Variants in NT5C2 observed in about 807,000 individuals in gnomAD.
NT5C2 encodes 5'-nucleotidase, cytosolic II.
In NT5C2, 58 loss-of-function variants were observed where a neutral mutation model predicts 76.1. That is an observed-to-expected ratio of 0.76 (90% CI 0.62 to 0.95). NT5C2 has a LOEUF of 0.95. NT5C2 is among the 40% of genes least tolerant of loss of function. NT5C2 has a pLI of 0.00. For missense variants in NT5C2, 478 were observed against 690.3 expected, an observed-to-expected ratio of 0.69 and a Z score of 3.45; for synonymous variants, 229 against 237.4, an observed-to-expected ratio of 0.96 and a Z score of 0.32.
At chr10:103,160,170 T>G (rs2084473676) in intron 3 of NT5C2, among the ~76,000 whole-genome samples, 1 of 152,180 alleles carries the variant, frequency 6.6e-6, no homozygotes. Flanking sequence ...AAAATGGTGC[T>G]AGGACAACTG....
intron 3 of NT5C2, among the ~76,000 whole-genome samples, chr10:103,151,406 G>C (rs559678249): frequency 2.3e-4 from 35 of 151,478 alleles, no homozygotes; most frequent in Middle Eastern, 6.8e-3. Context: ...GGAGGTTGCG[G>C]TGAGCCAAGA....
intron 4 of NT5C2, among the ~76,000 whole-genome samples, chr10:103,136,758 G>A (rs921143889): frequency 6.6e-6 from 1 of 151,748 alleles, no homozygotes; most frequent in Non-Finnish European, 1.5e-5. Context: ...CTGACCAGCT[G>A]AGACTACAGG....
chr10:103,146,144 T>A, intron 3 of NT5C2: 1 of 985,410 alleles, frequency 1.0e-6, no homozygotes, highest in Non-Finnish European at 1.2e-6. Flanking sequence ...TTTTGTGACT[T>A]AACTTCAAGA....
chr10:103,129,347 T>G (rs1178882458), intron 4 of NT5C2, among the ~76,000 whole-genome samples: 5 of 68,168 alleles, frequency 7.3e-5, no homozygotes, highest in South Asian at 5.6e-4. Context: ...GGGAGGGAGG[T>G]GGGGGGGTCA....
intron 3 of NT5C2, chr10:103,153,147 A>G (rs183726550): frequency 2.6e-5 from 11 of 421,596 alleles, no homozygotes; most frequent in East Asian, 1.1e-4. Flanking sequence ...ATGAAACACT[A>G]TAAGATTTGG....
At chr10:103,172,638 C>G (rs1312996906) in intron 3 of NT5C2, among the ~76,000 whole-genome samples, 1 of 152,010 alleles carries the variant, frequency 6.6e-6, no homozygotes, top group Non-Finnish European at 1.5e-5. Context: ...GAGTTCAAGA[C>G]CAGCCTGGCC....
At chr10:103,110,812 G>A (rs1590925730) in intron 4 of NT5C2, among the ~76,000 whole-genome samples, 1 of 152,076 alleles carries the variant, frequency 6.6e-6, no homozygotes, top group African/African-American at 2.4e-5. Flanking sequence ...CTGCTATATA[G>A]TACAACCAAG....
In NT5C2 at chr10:103,090,736, G is replaced by A. The variant is rs985929069; in HGVS notation, c.1324C>T (p.Arg442Cys). Residue 442 changes from arginine (R) to cysteine (C), a missense_variant, in exon 18 of 19, where the codon CGC becomes TGC. Transcript: ENST00000404739. ...MCYGMMGSLF[R>C]SGSRQTLFAS... ...AAAAGGGTCTGCCGGGAGCCACTGC[G>A]AAACAGGCTTCCCATCATCCCATAG... 4.3e-6 allele frequency: 7 copies of A among 1,614,166 alleles called. No individual in the cohort carries two copies. Among genetic ancestry groups the A allele is most frequent in the East Asian group, 4.5e-5 (2 of 44,876 alleles).
At chr10:103,136,647 C>T (rs2079325636) in intron 4 of NT5C2, among the ~76,000 whole-genome samples, 1 of 143,276 alleles carries the variant, frequency 7.0e-6, no homozygotes, top group African/African-American at 2.6e-5. Context: ...TTTTTTGAGA[C>T]ACGGTCTCAC....
chr10:103,168,262 A>G (rs1235752557), intron 3 of NT5C2, among the ~76,000 whole-genome samples: 1 of 152,216 alleles, frequency 6.6e-6, no homozygotes, highest in Non-Finnish European at 1.5e-5. Context: ...TTTCAGTTCA[A>G]TATGATAAAA....
At chr10:103,154,821 T>C (rs2083043963) in intron 3 of NT5C2, among the ~76,000 whole-genome samples, 1 of 152,182 alleles carries the variant, frequency 6.6e-6, no homozygotes, top group Non-Finnish European at 1.5e-5. Flanking sequence ...GCAAATTCCA[T>C]AACTACAAGA....
At chr10:103,103,116 G>A (rs2070244868) in intron 6 of NT5C2, among the ~76,000 whole-genome samples, 1 of 152,198 alleles carries the variant, frequency 6.6e-6, no homozygotes, top group Admixed American at 6.5e-5. Flanking sequence ...GCACAGTTCT[G>A]ACAGTGAATA....
At chr10:103,092,358 A>ATGTC (rs35302704) in intron 15 of NT5C2, among the ~76,000 whole-genome samples, 62,124 of 151,854 alleles carry the variant, frequency 0.41, 12,877 homozygotes, top group East Asian at 0.56. Context: ...AAAGGCTGTC[A>ATGTC]TGTCTATCTT....
At chr10:103,169,113 T>C (rs761088349) in intron 3 of NT5C2, among the ~76,000 whole-genome samples, 1 of 152,094 alleles carries the variant, frequency 6.6e-6, no homozygotes, top group African/African-American at 2.4e-5. Flanking sequence ...TACCTCAAAA[T>C]TGCAAAGGGA....
In NT5C2 at chr10:103,101,422, G is replaced by A. The variant is rs2069610414; in HGVS notation, c.390-96C>T. 4.3e-6 allele frequency: 3 copies of A among 700,744 alleles called. No individual in the cohort carries two copies. In the South Asian group the frequency reaches 5.5e-5, roughly 13 times the overall value. 43.4% of individuals were successfully genotyped at this position (700,744 alleles called of 1,614,324 possible). A position where few individuals can be genotyped will look rare whatever the true frequency, so the allele number is the denominator to read the frequency against. On this transcript the variant is annotated intron_variant, in intron 6 of 18. Coordinates refer to ENST00000404739, the MANE Select transcript of NT5C2 (RefSeq NM_001351169.2). ...AAAAATTAACTCAAATATTTTGATGGCTATGTGCAAGACAGAATTCCGAAT... is the reference window on the plus strand; with the variant it reads ...AAAAATTAACTCAAATATTTTGATGACTATGTGCAAGACAGAATTCCGAAT...
rs550300661 is a variant in NT5C2, at chr10:103,155,796, G to A, written c.102-16317C>T. ...AGATCAGTCTTAGAGAGTCTTGGCG[G>A]GGTTAGAATTTATCCTGTTGCATGC... On this transcript the variant is annotated intron_variant, in intron 3 of 18. Coordinates refer to ENST00000404739, the MANE Select transcript of NT5C2 (RefSeq NM_001351169.2). Among the ~76,000 whole-genome samples, 3 of 152,248 alleles carry A rather than the reference G, an allele frequency of 2.0e-5. No homozygotes were observed. In the South Asian group the frequency reaches 6.2e-4, roughly 32 times the overall value.
intron 6 of NT5C2, among the ~76,000 whole-genome samples, chr10:103,103,757 C>T (rs1275074400): frequency 6.6e-6 from 1 of 152,158 alleles, no homozygotes; most frequent in Admixed American, 6.5e-5. Context: ...TGATGGAGTC[C>T]TTCTTTTCCA....
chr10:103,127,706 C>T (rs1565089475), intron 4 of NT5C2, among the ~76,000 whole-genome samples: 2 of 152,214 alleles, frequency 1.3e-5, no homozygotes. Flanking sequence ...TTAGCAAAAT[C>T]CGTATCATTA....
intron 1 of NT5C2, among the ~76,000 whole-genome samples, chr10:103,183,829 T>A (rs1324634203): frequency 1.3e-5 from 2 of 152,040 alleles, no homozygotes; most frequent in Non-Finnish European, 2.9e-5. Flanking sequence ...AAAAATAAAA[T>A]AGTTTAAGAT....
Sources: gnomAD v4.1 joint callset for allele counts (sites outside exome capture counted in the v4.1 genomes callset) on GRCh38, gnomAD v4.1.1 for gene constraint, MANE v1.5 for transcripts, NCBI Gene and HGNC (gene_info 2026-07-23, HGNC 2026-07-21) for gene names.